Variants in ZBTB41 observed in about 807,000 individuals in gnomAD.
The protein encoded by ZBTB41 is zinc finger and BTB domain-containing protein 41.
ZBTB41 carries 42 observed loss-of-function variants against 87.6 expected under a neutral mutation model. The observed-to-expected ratio is 0.48, with a 90% CI of 0.37 to 0.62. The LOEUF is 0.62. Ranked by LOEUF, ZBTB41 falls within the 20% of genes least tolerant of loss-of-function variation. The pLI is 0.00. For missense variants in ZBTB41, 799 were observed against 1,078.9 expected, an observed-to-expected ratio of 0.74 and a Z score of 3.63; for synonymous variants, 364 against 364.0, an observed-to-expected ratio of 1.00 and a Z score of 0.00.
intron 5 of ZBTB41, among the ~76,000 whole-genome samples, chr1:197,182,566 T>C (rs1164831954): frequency 6.6e-6 from 1 of 152,158 alleles, no homozygotes; most frequent in East Asian, 1.9e-4. Context: ...TGAGTCACCA[T>C]GCCTGGCCAA....
rs1200599470 is a variant in ZBTB41, at chr1:197,155,984, C to T, written c.*3375G>A. On this transcript the variant is annotated 3_prime_UTR_variant, in exon 11 of 11. Transcript: ENST00000367405. ...AACCTCAACTTGACTTAAAAAAATT[C>T]GAAGGCAAAAATTATTTTGATAGTG... The T allele has an allele frequency of 1.3e-5, 2 of 152,018 alleles. No homozygotes were observed. The highest frequency in any genetic ancestry group is 2.4e-5 in the African/African-American group (1 of 41,346). 9.4% of individuals were successfully genotyped at this position (152,018 alleles called of 1,614,324 possible).
Position 197,200,284 on chromosome 1 carries a change from A to G in ZBTB41, c.190T>C (p.Leu64=), listed in dbSNP as rs755711692. 6.2e-7 allele frequency: 1 copy of G among 1,613,004 alleles called. No homozygotes were observed. Among genetic ancestry groups the G allele is most frequent in the Admixed American group, 1.7e-5 (1 of 59,732 alleles). ...LPPSPDQRKL[L]SSLQYNKNLL... Reference sequence around the variant, plus strand: ...TTCTTATTATACTGCAAAGAACTTAAAAGCTTTCTCTGATCTGGAGAGGGA... The same window carrying G: ...TTCTTATTATACTGCAAAGAACTTAGAAGCTTTCTCTGATCTGGAGAGGGA... Residue 64 remains leucine, a synonymous_variant, in exon 2 of 11, where the codon TTA becomes CTA. Transcript: ENST00000367405.
rs144546855 is a variant in ZBTB41 at position 197,158,661 on chromosome 1, C to A, written c.*698G>T. On this transcript the variant is annotated 3_prime_UTR_variant, in exon 11 of 11. Coordinates refer to ENST00000367405, the MANE Select transcript of ZBTB41 (RefSeq NM_194314.3). ...AATTTAATGCCCAGACCTATGTTTG[C>A]CTTTCTTATTCATAACAATTGAAGT... is the stretch of plus-strand genomic sequence containing the variant. 6.6e-6 allele frequency: 1 copy of A among 152,008 alleles called. No individual in the cohort carries two copies. Among genetic ancestry groups the A allele is most frequent in the Non-Finnish European group, 1.5e-5 (1 of 67,944 alleles). 9.4% of individuals were successfully genotyped at this position (152,008 alleles called of 1,614,324 possible).
intron 4 of ZBTB41, among the ~76,000 whole-genome samples, chr1:197,188,969 T>C (rs570915096): frequency 1.7e-4 from 26 of 152,200 alleles, no homozygotes; most frequent in Admixed American, 3.3e-4. Flanking sequence ...CAACGCTAAG[T>C]AATTCATGGA....
intron 2 of ZBTB41, among the ~76,000 whole-genome samples, chr1:197,194,212 TTCA>T (rs796923814): frequency 2.5e-4 from 38 of 152,144 alleles, no homozygotes; most frequent in African/African-American, 8.4e-4. Flanking sequence ...AGACACGGGT[TTCA>T]TCATATTGGT....
chr1:197,184,129 T>G (rs1407465083), intron 5 of ZBTB41, among the ~76,000 whole-genome samples: 1 of 152,168 alleles, frequency 6.6e-6, no homozygotes, highest in Non-Finnish European at 1.5e-5. Context: ...AAAAACTACT[T>G]TTTCTGGAAC....
rs1387833385 is a variant in ZBTB41, at chr1:197,154,346, A to G, written c.*5013T>C. ...ATTCTTTGTATAACCTCTGTGCTCTAAATATAATCCTTAATTTCTCCTCTG... is the reference window on the plus strand; with the variant it reads ...ATTCTTTGTATAACCTCTGTGCTCTGAATATAATCCTTAATTTCTCCTCTG... On this transcript the variant is annotated 3_prime_UTR_variant, in exon 11 of 11. Transcript: ENST00000367405. 6.6e-6 allele frequency: 1 copy of G among 152,228 alleles called. No individual in the cohort carries two copies. Among genetic ancestry groups the G allele is most frequent in the Non-Finnish European group, 1.5e-5 (1 of 67,956 alleles). 9.4% of individuals were successfully genotyped at this position (152,228 alleles called of 1,614,324 possible).
intron 5 of ZBTB41, among the ~76,000 whole-genome samples, chr1:197,186,898 A>C (rs1354913238): frequency 7.9e-5 from 12 of 152,034 alleles, no homozygotes; most frequent in Admixed American, 7.9e-4. Context: ...AAACCAAAAA[A>C]AATTGGGCCA....
intron 6 of ZBTB41, among the ~76,000 whole-genome samples, chr1:197,178,870 T>G (rs1659675742): frequency 6.6e-6 from 1 of 152,172 alleles, no homozygotes; most frequent in East Asian, 1.9e-4. Flanking sequence ...AGTAATCCAG[T>G]TTATCAGTAC....
chr1:197,189,120 T>A (rs1358320163), intron 4 of ZBTB41, among the ~76,000 whole-genome samples: 2 of 152,180 alleles, frequency 1.3e-5, no homozygotes, highest in Non-Finnish European at 2.9e-5. Context: ...AATAATTAAC[T>A]TCAATTTCTA....
chr1:197,168,376 A>C (rs1022892005), intron 10 of ZBTB41, among the ~76,000 whole-genome samples: 2 of 152,152 alleles, frequency 1.3e-5, no homozygotes, highest in Non-Finnish European at 2.9e-5. Flanking sequence ...TTGTGTGTGG[A>C]AATTAACAGA....
intron 9 of ZBTB41, among the ~76,000 whole-genome samples, chr1:197,173,503 C>T (rs1333328629): frequency 6.6e-6 from 1 of 152,100 alleles, no homozygotes; most frequent in East Asian, 1.9e-4. Flanking sequence ...CTCCTGGGCT[C>T]AAGCTATCCT....
intron 2 of ZBTB41, among the ~76,000 whole-genome samples, chr1:197,194,158 G>A (rs1660101745): frequency 6.6e-6 from 1 of 151,846 alleles, no homozygotes; most frequent in Non-Finnish European, 1.5e-5. Flanking sequence ...AGCAGGGATT[G>A]CAGGCACATG....
chr1:197,173,292 T>C (rs767918884), intron 9 of ZBTB41, among the ~76,000 whole-genome samples: 4 of 152,162 alleles, frequency 2.6e-5, no homozygotes, highest in Admixed American at 6.6e-5. Flanking sequence ...CAACATACTA[T>C]GCCTAGGATT....
chr1:197,163,677 G>A (rs981592137), intron 10 of ZBTB41, among the ~76,000 whole-genome samples: 1 of 149,638 alleles, frequency 6.7e-6, no homozygotes, highest in Admixed American at 6.7e-5. Context: ...TCAAATCAAG[G>A]CACACTATAG....
chr1:197,177,328 C>T (rs1004018323), intron 7 of ZBTB41, among the ~76,000 whole-genome samples: 23 of 152,158 alleles, frequency 1.5e-4, no homozygotes, highest in African/African-American at 4.1e-4. Context: ...CTAGGTAAGA[C>T]GTGCCTTGCT....
intron 10 of ZBTB41, among the ~76,000 whole-genome samples, chr1:197,164,744 TATTA>T (rs1375485354): frequency 8.4e-6 from 1 of 119,718 alleles, no homozygotes; most frequent in Non-Finnish European, 1.6e-5. Flanking sequence ...GTATCTAATA[TATTA>T]TATATATTAT....
At chr1:197,167,153 G>A (rs1417422874) in intron 10 of ZBTB41, among the ~76,000 whole-genome samples, 1 of 152,072 alleles carries the variant, frequency 6.6e-6, no homozygotes, top group East Asian at 1.9e-4. Context: ...AATATATCAT[G>A]AACAGGATAT....
rs1362753877 is a variant in ZBTB41, at chr1:197,159,747, G to C, written c.2342C>G (p.Thr781Arg). ...SSDDKIFQTE[T>R]KQYMDQPKVY... is the part of the protein sequence containing the mutation. ...TTTGGGCTGGTCCATATATTGTTTT[G>C]TTTCTGTTTGAAAGATTTTGTCATC... Residue 781 changes from threonine to arginine, a missense_variant, in exon 11 of 11, where the codon ACA (threonine) becomes AGA (arginine). Coordinates refer to ENST00000367405, the MANE Select transcript of ZBTB41 (RefSeq NM_194314.3). The C allele has an allele frequency of 1.2e-6, 2 of 1,614,002 alleles. No individual in the cohort carries two copies. Among genetic ancestry groups the C allele is most frequent in the Non-Finnish European group, 1.7e-6 (2 of 1,179,924 alleles).
Sources: gnomAD v4.1 joint callset for allele counts (sites outside exome capture counted in the v4.1 genomes callset) on GRCh38, gnomAD v4.1.1 for gene constraint, MANE v1.5 for transcripts, NCBI Gene and HGNC (gene_info 2026-07-23, HGNC 2026-07-21) for gene names.